Variants in PEX14 observed in about 807,000 individuals in gnomAD.
The protein encoded by PEX14 is peroxisomal membrane protein PEX14.
Under a neutral mutation model 49.5 loss-of-function variants are expected in PEX14, and 15 were observed. The observed-to-expected ratio is 0.30, with a 90% CI of 0.20 to 0.47. PEX14 has a LOEUF of 0.47. Among genes scored for constraint, PEX14 ranks in the 20% least tolerant of loss-of-function variants. The probability of loss-of-function intolerance (pLI) is 1.00; values close to 1 mark genes in which losing one functional copy is unlikely to be tolerated. For missense variants in PEX14, 398 were observed against 494.8 expected (o/e 0.80, Z 1.86); for synonymous variants, 210 against 212.7 (o/e 0.99, Z 0.11).
In PEX14 at chr1:10,509,342, A is replaced by G. The variant is rs1421465510; in HGVS notation, c.84+14021A>G. Among the ~76,000 whole-genome samples, 8 of 152,368 alleles carry G rather than the reference A, an allele frequency of 5.3e-5. No individual in the cohort carries two copies. The East Asian group carries it at 1.5e-3, about 29-fold the overall frequency. On this transcript the variant is annotated intron_variant, in intron 2 of 8. Coordinates refer to ENST00000356607, the MANE Select transcript of PEX14 (RefSeq NM_004565.3). ...TAATAAACAGAAGAAATAACGAGAA[A>G]TAGTGGCACATCATTTGACAGTAAG...
At chr1:10,524,776 C>T (rs1224948216) in intron 2 of PEX14, among the ~76,000 whole-genome samples, 2 of 152,160 alleles carry the variant, frequency 1.3e-5, no homozygotes, top group African/African-American at 4.8e-5. Context: ...TCAGTGTAAC[C>T]TCAAACTCCT....
chr1:10,591,038 T>G (rs2124587770), intron 3 of PEX14, among the ~76,000 whole-genome samples: 1 of 152,360 alleles, frequency 6.6e-6, no homozygotes, highest in Non-Finnish European at 1.5e-5. Flanking sequence ...CACCTTGATT[T>G]GTGTCTTATA....
intron 1 of PEX14, among the ~76,000 whole-genome samples, chr1:10,477,883 T>G (rs577128287): frequency 1.3e-5 from 2 of 151,892 alleles, no homozygotes; most frequent in East Asian, 3.9e-4. Context: ...ACTAAATGAG[T>G]TATTTATTTA....
intron 3 of PEX14, among the ~76,000 whole-genome samples, chr1:10,550,115 T>C (rs757355832): frequency 2.0e-5 from 3 of 151,942 alleles, no homozygotes; most frequent in Non-Finnish European, 4.4e-5. Context: ...ACAAGCAAAA[T>C]ACAGATAAGC....
At chr1:10,496,960 T>TTA (rs550820822) in intron 2 of PEX14, among the ~76,000 whole-genome samples, 31 of 150,892 alleles carry the variant, frequency 2.1e-4, no homozygotes, top group South Asian at 1.0e-3. Flanking sequence ...TAGCGGCAAT[T>TTA]TATATATATA....
intron 3 of PEX14, among the ~76,000 whole-genome samples, chr1:10,594,892 A>T (rs976630197): frequency 6.6e-6 from 1 of 152,216 alleles, no homozygotes; most frequent in African/African-American, 2.4e-5. Flanking sequence ...AGAAACCTTG[A>T]GAAAAAGAAA....
chr1:10,534,560 G>T (rs1638743330), intron 2 of PEX14, among the ~76,000 whole-genome samples: 1 of 151,648 alleles, frequency 6.6e-6, no homozygotes, highest in South Asian at 2.1e-4. Flanking sequence ...CTTGATTTTG[G>T]TGTGACCTGA....
At chr1:10,607,462 T>C (rs1641159595) in intron 4 of PEX14, among the ~76,000 whole-genome samples, 1 of 152,270 alleles carries the variant, frequency 6.6e-6, no homozygotes, top group African/African-American at 2.4e-5. Flanking sequence ...AAGAAGCTGC[T>C]AAACTGTTTT....
At chr1:10,587,920 T>TAAAA (rs1290613528) in intron 3 of PEX14, among the ~76,000 whole-genome samples, 6,329 of 64,278 alleles carry the variant, frequency 0.098, 444 homozygotes, top group East Asian at 0.26. Flanking sequence ...TTTTTTTTTT[T>TAAAA]AAAAAAAAAA....
chr1:10,536,333 A>G (rs562634756), intron 3 of PEX14, 36 bp downstream of exon 3: 112 of 1,231,222 alleles, frequency 9.1e-5, no homozygotes, highest in Non-Finnish European at 1.1e-4. Context: ...CACGGCCTAC[A>G]GGGGGACTGG....
At chr1:10,593,902 C>G (rs1273513842) in intron 3 of PEX14, among the ~76,000 whole-genome samples, 1 of 152,124 alleles carries the variant, frequency 6.6e-6, no homozygotes, top group Non-Finnish European at 1.5e-5. Context: ...AGAGCAAGGT[C>G]GAAGCAAATG....
chr1:10,605,968 ATC>A (rs1641115350), intron 4 of PEX14, among the ~76,000 whole-genome samples: 2 of 152,202 alleles, frequency 1.3e-5, no homozygotes, highest in Non-Finnish European at 2.9e-5. Flanking sequence ...GAGGGTAAGT[ATC>A]ACGGGAAGGA....
At chr1:10,520,567 C>A (rs373932282) in intron 2 of PEX14, among the ~76,000 whole-genome samples, 19 of 152,152 alleles carry the variant, frequency 1.2e-4, no homozygotes, top group Non-Finnish European at 2.5e-4. Context: ...CACGTAGGCT[C>A]AGGTCCTTAG....
intron 4 of PEX14, 71 bp from the exon 5 acceptor site, chr1:10,618,261 C>T: frequency 1.7e-6 from 2 of 1,195,142 alleles, no homozygotes; most frequent in Non-Finnish European, 2.5e-6. Context: ...CACTGAGGCA[C>T]CTGTGCCAGC....
intron 3 of PEX14, among the ~76,000 whole-genome samples, chr1:10,589,448 A>G (rs1640595530): frequency 6.6e-6 from 1 of 152,150 alleles, no homozygotes; most frequent in African/African-American, 2.4e-5. Context: ...TTGAATTCAG[A>G]GTGTAAGTTG....
rs979097796 is a variant in PEX14 at position 10,508,358 on chromosome 1, C to T, written c.84+13037C>T. ...AGTAGCTGGGACTACAGGCGCCCGC[C>T]ACCATGCCCTGCTAATTTTTTTGTA... On this transcript the variant is annotated intron_variant, in intron 2 of 8. Coordinates refer to ENST00000356607, the MANE Select transcript of PEX14 (RefSeq NM_004565.3). Among the ~76,000 whole-genome samples, 9 of 152,160 alleles carry T rather than the reference C, an allele frequency of 5.9e-5. No individual in the cohort carries two copies. In the East Asian group the frequency reaches 1.2e-3, roughly 20 times the overall value.
chr1:10,601,358 A>T (rs1318085556), intron 4 of PEX14, among the ~76,000 whole-genome samples: 1 of 151,902 alleles, frequency 6.6e-6, no homozygotes, highest in South Asian at 2.1e-4. Context: ...ACCTGGTCTG[A>T]AGCTGCCTTC....
chr1:10,533,903 A>G (rs991874870), intron 2 of PEX14, among the ~76,000 whole-genome samples: 2 of 152,246 alleles, frequency 1.3e-5, no homozygotes, highest in Non-Finnish European at 2.9e-5. Context: ...CAAGCACTGC[A>G]TTGAGTGCAC....
chr1:10,526,221 ATTTT>A (rs35251972), intron 2 of PEX14, among the ~76,000 whole-genome samples: 1 of 127,128 alleles, frequency 7.9e-6, no homozygotes, highest in African/African-American at 3.0e-5. Context: ...CGCCCGGCTG[ATTTT>A]TTTTTTTTTT....
Sources: gnomAD v4.1 joint callset for allele counts (sites outside exome capture counted in the v4.1 genomes callset) on GRCh38, gnomAD v4.1.1 for gene constraint, MANE v1.5 for transcripts, NCBI Gene and HGNC (gene_info 2026-07-23, HGNC 2026-07-21) for gene names.